PTPRD: variants seen among roughly 807,000 people sequenced by gnomAD.
PTPRD encodes protein tyrosine phosphatase receptor type D.
Under a neutral mutation model 214.5 loss-of-function variants are expected in PTPRD, and 34 were observed. That is an observed-to-expected ratio of 0.16 (90% CI 0.12 to 0.21). The LOEUF is 0.21. Ranked by LOEUF, PTPRD falls within the 10% of genes least tolerant of loss-of-function variation. PTPRD has a pLI of 1.00. For missense variants in PTPRD, 2,545 were observed against 2,398.7 expected (o/e 1.06, Z -1.27); for synonymous variants, 1,128 against 845.7 (o/e 1.33, Z -5.79).
At chr9:9,795,564 C>T (rs892143216) in intron 5 of PTPRD, among the ~76,000 whole-genome samples, 15 of 151,864 alleles carry the variant, frequency 9.9e-5, no homozygotes, top group Admixed American at 1.3e-4. Flanking sequence ...CAAAAAGGGA[C>T]GTCAAAAGGG....
At chr9:9,691,871 A>G (rs931919427) in intron 7 of PTPRD, among the ~76,000 whole-genome samples, 3 of 152,026 alleles carry the variant, frequency 2.0e-5, no homozygotes, top group Non-Finnish European at 4.4e-5. Context: ...TTCTCTGATG[A>G]TCAATGATGT....
chr9:9,091,094 A>G, intron 10 of PTPRD: 2 of 1,402,804 alleles, frequency 1.4e-6, no homozygotes, highest in Non-Finnish European at 2.0e-6. Flanking sequence ...GTGCTTCCCA[A>G]GCTGTATGTG....
At chr9:9,938,890 A>T (rs146003920) in intron 4 of PTPRD, among the ~76,000 whole-genome samples, 1 of 152,280 alleles carries the variant, frequency 6.6e-6, no homozygotes, top group African/African-American at 2.4e-5. Flanking sequence ...ATTTGGTATA[A>T]GTAATTGATG....
chr9:8,941,534 C>A (rs10977380), intron 11 of PTPRD, among the ~76,000 whole-genome samples: 3 of 152,132 alleles, frequency 2.0e-5, no homozygotes, highest in Middle Eastern at 3.2e-3. Context: ...ACTTAATAGC[C>A]TACTTTCCTT....
At chr9:9,675,679 A>G (rs62534685) in intron 7 of PTPRD, among the ~76,000 whole-genome samples, 6,095 of 152,126 alleles carry the variant, frequency 0.04, 177 homozygotes, top group Non-Finnish European at 0.065. Flanking sequence ...CAGAGGAAAC[A>G]GAAAAATCTG....
intron 3 of PTPRD, among the ~76,000 whole-genome samples, chr9:10,290,680 T>C (rs1289661857): frequency 6.6e-6 from 1 of 152,154 alleles, no homozygotes; most frequent in Non-Finnish European, 1.5e-5. Context: ...AGATGTGTTA[T>C]TTAAAAATGC....
chr9:8,449,220 A>G (rs555187718), intron 34 of PTPRD, among the ~76,000 whole-genome samples: 13 of 152,202 alleles, frequency 8.5e-5, no homozygotes, highest in African/African-American at 2.9e-4. Context: ...AGTATAGGTA[A>G]TATTTAAAAA....
intron 9 of PTPRD, among the ~76,000 whole-genome samples, chr9:9,363,727 A>G (rs1202948213): frequency 6.6e-6 from 1 of 151,346 alleles, no homozygotes. Context: ...TAGATTCTCT[A>G]AGAGAGCTTT....
At chr9:8,830,099 T>C (rs916063184) in intron 11 of PTPRD, among the ~76,000 whole-genome samples, 11 of 152,162 alleles carry the variant, frequency 7.2e-5, no homozygotes, top group Non-Finnish European at 1.5e-4. Flanking sequence ...TTATTAACTC[T>C]TTTAATGTTT....
intron 8 of PTPRD, among the ~76,000 whole-genome samples, chr9:9,534,643 C>T (rs7047252): frequency 0.16 from 24,881 of 151,872 alleles, 2,246 homozygotes; most frequent in Middle Eastern, 0.21. Context: ...AGGAATAACG[C>T]TTTTTAAAGT....
chr9:10,350,364 T>G (rs1351749337), intron 2 of PTPRD, among the ~76,000 whole-genome samples: 1 of 152,142 alleles, frequency 6.6e-6, no homozygotes, highest in Non-Finnish European at 1.5e-5. Context: ...ATTACCTTTA[T>G]TTTACATGAT....
At chr9:9,019,840 C>T (rs992585014) in intron 10 of PTPRD, among the ~76,000 whole-genome samples, 2 of 152,138 alleles carry the variant, frequency 1.3e-5, no homozygotes, top group Non-Finnish European at 2.9e-5. Flanking sequence ...AACTGGGCAC[C>T]GATGTTGGCA....
intron 9 of PTPRD, among the ~76,000 whole-genome samples, chr9:9,379,748 T>C (rs1278101852): frequency 6.6e-6 from 1 of 152,012 alleles, no homozygotes; most frequent in Non-Finnish European, 1.5e-5. Context: ...AGATCATTTA[T>C]TTTTTGTTAG....
At chr9:10,270,518 A>T (rs1035373204) in intron 3 of PTPRD, among the ~76,000 whole-genome samples, 1 of 152,188 alleles carries the variant, frequency 6.6e-6, no homozygotes, top group Non-Finnish European at 1.5e-5. Context: ...ATATTGAGAA[A>T]GCCTAATTTG....
intron 7 of PTPRD, among the ~76,000 whole-genome samples, chr9:9,637,120 A>C (rs553690025): frequency 5.4e-4 from 82 of 152,282 alleles, no homozygotes; most frequent in Middle Eastern, 6.8e-3. Context: ...AGTATGGATT[A>C]AGTTTCCAAC....
At chr9:8,401,143 CT>C (rs2092327100) in intron 36 of PTPRD, among the ~76,000 whole-genome samples, 1 of 149,112 alleles carries the variant, frequency 6.7e-6, no homozygotes, top group South Asian at 2.2e-4. Flanking sequence ...TCCATTTGGT[CT>C]TTATTTGAAA....
At chr9:8,365,313 A>G (rs1308561855) in intron 39 of PTPRD, among the ~76,000 whole-genome samples, 6 of 152,162 alleles carry the variant, frequency 3.9e-5, no homozygotes, top group Admixed American at 3.9e-4. Context: ...TAAAGAAAAT[A>G]TTTTTGAGTT....
At chr9:9,074,622 A>G (rs182720) in intron 10 of PTPRD, among the ~76,000 whole-genome samples, 110,981 of 151,834 alleles carry the variant, frequency 0.73, 40,827 homozygotes, top group Non-Finnish European at 0.77. Context: ...CAGTGATGTT[A>G]AGCACCTTTC....
At chr9:9,701,825 A>T (rs1420587494) in intron 7 of PTPRD, among the ~76,000 whole-genome samples, 5 of 152,136 alleles carry the variant, frequency 3.3e-5, no homozygotes. Flanking sequence ...GCTATTTGAA[A>T]ACTAAAGTAT....
Sources: allele counts gnomAD v4.1 joint callset (sites outside exome capture counted in the v4.1 genomes callset), GRCh38; gene constraint gnomAD v4.1.1; transcripts MANE v1.5; gene names NCBI Gene and HGNC (gene_info 2026-07-23, HGNC 2026-07-21).